MICOS10: variants seen among roughly 807,000 people sequenced by gnomAD.
MICOS10 encodes the protein mitochondrial contact site and cristae organizing system subunit 10.
MICOS10 carries 5 observed loss-of-function variants against 13.4 expected under a neutral mutation model. The ratio of observed to expected loss-of-function variants is 0.37; its 90% CI spans 0.20 to 0.78. The LOEUF is 0.78. Among genes scored for constraint, MICOS10 ranks in the 30% least tolerant of loss-of-function variants. The pLI, the probability that MICOS10 is intolerant of heterozygous loss-of-function variation, is 0.47. For synonymous variants in MICOS10, 35 were observed against 33.6 expected, an observed-to-expected ratio of 1.04 and a Z score of -0.15; for missense variants, 101 against 94.6, an observed-to-expected ratio of 1.07 and a Z score of -0.28.
rs367837871 is a variant in MICOS10 at position 19,597,034 on chromosome 1, C to T, written c.-12C>T. 8 of 1,578,406 alleles carry T rather than the reference C, an allele frequency of 5.1e-6. No individual in the cohort carries two copies. Among genetic ancestry groups the T allele is most frequent in the East Asian group, 2.4e-5 (1 of 41,038 alleles). ...CCGGCCGAGAGGAAAGCTGGAGGCGCGGGTGGGGAACATGTCTGAGTCGGA... is the reference window on the plus strand; with the variant it reads ...CCGGCCGAGAGGAAAGCTGGAGGCGTGGGTGGGGAACATGTCTGAGTCGGA... On this transcript the variant is annotated 5_prime_UTR_variant, in exon 1 of 4. Transcript: ENST00000322753.
intron 1 of MICOS10, chr1:19,617,290 C>A (rs2094887696): frequency 1.0e-6 from 1 of 985,122 alleles, no homozygotes; most frequent in Admixed American, 6.2e-5. Flanking sequence ...CCGAGAAATC[C>A]CTGCAGATGT....
intron 1 of MICOS10, among the ~76,000 whole-genome samples, chr1:19,608,994 CTTTTTTTTTTTTTTTTT>C (rs5772856): frequency 1.7e-4 from 10 of 60,600 alleles, no homozygotes; most frequent in African/African-American, 7.6e-4. Context: ...CTTTTCCCAG[CTTTTTTTTTTTTTTTTT>C]TTTTTTTTTT....
In MICOS10 at chr1:19,612,986, G is replaced by A. The variant is rs889736244; in HGVS notation, c.65-9114G>A. On this transcript the variant is annotated intron_variant, in intron 1 of 3. Transcript: ENST00000322753. ...CCTGACCTATGAATTGTCGTTAAGTGTGGTCACTTCCCCCTTCTCAGAAGT... is the reference window on the plus strand; with the variant it reads ...CCTGACCTATGAATTGTCGTTAAGTATGGTCACTTCCCCCTTCTCAGAAGT... 5.9e-5 allele frequency among the ~76,000 whole-genome samples: 9 copies of A among 152,312 alleles called. 1 individual carries two copies. The South Asian group carries it at 1.9e-3, about 32-fold the overall frequency.
chr1:19,607,652 G>A (rs546883009), intron 1 of MICOS10, among the ~76,000 whole-genome samples: 20 of 152,098 alleles, frequency 1.3e-4, no homozygotes, highest in Admixed American at 2.0e-4. Context: ...CCAGCAACTC[G>A]GGAAGTTTAT....
rs758940631 is a variant in MICOS10, at chr1:19,597,032, C to T, written c.-14C>T. Reference sequence around the variant, plus strand: ...GGCCGGCCGAGAGGAAAGCTGGAGGCGCGGGTGGGGAACATGTCTGAGTCG... The same window carrying T: ...GGCCGGCCGAGAGGAAAGCTGGAGGTGCGGGTGGGGAACATGTCTGAGTCG... On this transcript the variant is annotated 5_prime_UTR_variant, in exon 1 of 4. Transcript: ENST00000322753. 4 of 1,578,280 alleles carry T rather than the reference C, an allele frequency of 2.5e-6. No individual in the cohort carries two copies. The highest frequency in any genetic ancestry group is 2.3e-5 in the South Asian group (2 of 87,546).
chr1:19,624,514 C>G (rs2094915650), intron 3 of MICOS10, among the ~76,000 whole-genome samples: 1 of 152,144 alleles, frequency 6.6e-6, no homozygotes, highest in South Asian at 2.1e-4. Context: ...TCTTGAACTC[C>G]TGACCTCAGG....
intron 1 of MICOS10, chr1:19,608,521 C>G (rs1433555803): frequency 9.4e-7 from 1 of 1,060,906 alleles, no homozygotes; most frequent in Non-Finnish European, 1.5e-6. Flanking sequence ...CCCCCATCCC[C>G]TCTGACAGCA....
chr1:19,607,618 C>T (rs1022648734), intron 1 of MICOS10, among the ~76,000 whole-genome samples: 9 of 152,120 alleles, frequency 5.9e-5, no homozygotes, highest in Admixed American at 5.2e-4. Context: ...ATATTTGGTA[C>T]ACTATTATCT....
chr1:19,604,249 A>G (rs751120639), intron 1 of MICOS10, among the ~76,000 whole-genome samples: 3 of 152,144 alleles, frequency 2.0e-5, no homozygotes, highest in Admixed American at 6.6e-5. Flanking sequence ...GCTCATGCCT[A>G]TAGTCCCAAC....
chr1:19,606,253 A>G (rs916252721), intron 1 of MICOS10, among the ~76,000 whole-genome samples: 1 of 152,236 alleles, frequency 6.6e-6, no homozygotes, highest in Admixed American at 6.5e-5. Flanking sequence ...CCAAGCCTAC[A>G]TAAATGAGCA....
At chr1:19,608,185 G>A (rs879054738) in intron 1 of MICOS10, 2 of 1,370,076 alleles carry the variant, frequency 1.5e-6, no homozygotes, top group South Asian at 1.2e-5. Context: ...TGGCTGAAGG[G>A]GAGAATGTAT....
Position 19,597,036 on chromosome 1 carries a change from G to T in MICOS10, c.-10G>T, listed in dbSNP as rs929758098. 6.3e-7 allele frequency: 1 copy of T among 1,583,168 alleles called. No individual in the cohort carries two copies. Among genetic ancestry groups the T allele is most frequent in the African/African-American group, 1.4e-5 (1 of 71,956 alleles). ...GGCCGAGAGGAAAGCTGGAGGCGCG[G>T]GTGGGGAACATGTCTGAGTCGGAGC... On this transcript the variant is annotated 5_prime_UTR_variant, in exon 1 of 4. Coordinates refer to ENST00000322753, the MANE Select transcript of MICOS10 (RefSeq NM_001032363.4).
At chr1:19,610,452 C>G (rs1276242591) in intron 1 of MICOS10, among the ~76,000 whole-genome samples, 1 of 134,606 alleles carries the variant, frequency 7.4e-6, no homozygotes, top group Non-Finnish European at 1.5e-5. Flanking sequence ...AATCGTGGCT[C>G]ACTGCATCTT....
intron 1 of MICOS10, chr1:19,608,394 A>AC: frequency 7.9e-7 from 1 of 1,259,258 alleles, no homozygotes; most frequent in Non-Finnish European, 1.2e-6. Flanking sequence ...ATTGCCCTAC[A>AC]CATCCAACTC....
At chr1:19,606,956 A>T (rs76144584) in intron 1 of MICOS10, among the ~76,000 whole-genome samples, 1 of 152,264 alleles carries the variant, frequency 6.6e-6, no homozygotes, top group Non-Finnish European at 1.5e-5. Flanking sequence ...GTTTTTCTTT[A>T]AGTATCAGTT....
At chr1:19,603,113 T>C (rs2100247829) in intron 1 of MICOS10, among the ~76,000 whole-genome samples, 1 of 152,174 alleles carries the variant, frequency 6.6e-6, no homozygotes, top group South Asian at 2.1e-4. Flanking sequence ...GCAGATCCCC[T>C]GAGGTCAGGA....
At chr1:19,622,982 T>C (rs1228855031) in intron 2 of MICOS10, among the ~76,000 whole-genome samples, 2 of 148,362 alleles carry the variant, frequency 1.3e-5, no homozygotes, top group African/African-American at 2.5e-5. Context: ...AGTGCAGTGG[T>C]GCGATCTCAG....
chr1:19,623,623 A>G (rs2094911891), intron 3 of MICOS10, 40 bp downstream of exon 3: 1 of 1,430,996 alleles, frequency 7.0e-7, no homozygotes. Context: ...TTCAGAAGAA[A>G]AAGATTTCTC....
At chr1:19,608,750 T>G (rs2094846054) in intron 1 of MICOS10, 2 of 507,786 alleles carry the variant, frequency 3.9e-6, no homozygotes. Flanking sequence ...TAAAAACTTT[T>G]GCTCTTTGAA....
Sources: allele counts gnomAD v4.1 joint callset (sites outside exome capture counted in the v4.1 genomes callset), GRCh38; gene constraint gnomAD v4.1.1; transcripts MANE v1.5; gene names NCBI Gene and HGNC (gene_info 2026-07-23, HGNC 2026-07-21).